The following COL8A1 variants were observed in gnomAD, a reference collection of about 807,000 sequenced individuals.
The protein encoded by COL8A1 is collagen type VIII alpha 1 chain.
In COL8A1, 21 loss-of-function variants were observed where a neutral mutation model predicts 42.7. The ratio of observed to expected loss-of-function variants is 0.49; its 90% confidence interval spans 0.35 to 0.71. COL8A1 has a LOEUF of 0.71. COL8A1 is among the 30% of genes least tolerant of loss of function. The pLI, the probability that COL8A1 is intolerant of heterozygous loss-of-function variation, is 0.01. For missense variants in COL8A1, 788 were observed against 962.4 expected (o/e 0.82, Z 2.40); for synonymous variants, 367 against 369.1 (o/e 0.99, Z 0.06).
chr3:99,751,124 A>G (rs1941139803), intron 2 of COL8A1, among the ~76,000 whole-genome samples: 2 of 152,228 alleles, frequency 1.3e-5, no homozygotes, highest in African/African-American at 4.8e-5. Context: ...ATTTTACTAC[A>G]AAGAAAATTC....
At chr3:99,793,436 T>C (rs1826385) in intron 3 of COL8A1, among the ~76,000 whole-genome samples, 2 of 149,454 alleles carry the variant, frequency 1.3e-5, no homozygotes, top group South Asian at 4.2e-4. Flanking sequence ...TTGTTTAAAA[T>C]ACACACACAC....
chr3:99,794,298 G>A lies in COL8A1; in HGVS notation c.397G>A (p.Gly133Arg), dbSNP rs1320023330. 1 of 1,613,430 alleles carries A rather than the reference G, an allele frequency of 6.2e-7. No individual in the cohort carries two copies. Among genetic ancestry groups the A allele is most frequent in the Non-Finnish European group, 8.5e-7 (1 of 1,179,708 alleles). Residue 133 changes from glycine to arginine, a missense_variant, in exon 4 of 4, where the codon GGG (glycine) becomes AGG (arginine). Physicochemically the swap from Gly to Arg is moderately radical, Grantham distance 125. Around this residue, in one of 4 missense-constraint regions of COL8A1, gnomAD observed 421 missense variants for 553.1 expected, o/e 0.76. Coordinates refer to ENST00000652472, the MANE Select transcript of COL8A1 (RefSeq NM_020351.4). This position sits in a 1 kb window ranked among gnomAD's most constrained non-coding sequence, Gnocchi z 4.3. ...RGEPGPRGPP[G>R]PPGLPGHGIP... ...AGAGCCTGGCCCAAGAGGACCACCT[G>A]GGCCCCCTGGTTTGCCAGGTCATGG...
intron 1 of COL8A1, among the ~76,000 whole-genome samples, chr3:99,684,874 A>T (rs2107326978): frequency 6.6e-6 from 1 of 152,294 alleles, no homozygotes; most frequent in African/African-American, 2.4e-5. Flanking sequence ...TTTGGACTGG[A>T]TTAGCATGAC....
At chr3:99,689,754 A>G (rs76266551) in intron 1 of COL8A1, among the ~76,000 whole-genome samples, 1 of 152,134 alleles carries the variant, frequency 6.6e-6, no homozygotes, top group Non-Finnish European at 1.5e-5. Flanking sequence ...TTTGAAAAAC[A>G]CAGACCTGGA....
intron 2 of COL8A1, among the ~76,000 whole-genome samples, chr3:99,756,123 C>T (rs1360569191): frequency 2.6e-5 from 4 of 151,476 alleles, no homozygotes; most frequent in South Asian, 2.1e-4. Flanking sequence ...GAAGAGATAT[C>T]GAGAATGTCT....
At chr3:99,692,229 C>T (rs1273144890) in intron 1 of COL8A1, among the ~76,000 whole-genome samples, 1 of 152,210 alleles carries the variant, frequency 6.6e-6, no homozygotes, top group Non-Finnish European at 1.5e-5. Context: ...AAGATGCTCA[C>T]AAGCCCAGTT....
intron 1 of COL8A1, among the ~76,000 whole-genome samples, chr3:99,671,338 T>G (rs1038583754): frequency 9.2e-5 from 14 of 152,146 alleles, no homozygotes; most frequent in Admixed American, 6.6e-5. Context: ...GCTCTTGATG[T>G]GTACATCAGT....
intron 1 of COL8A1, among the ~76,000 whole-genome samples, chr3:99,668,817 A>G (rs1442131808): frequency 6.6e-6 from 1 of 152,142 alleles, no homozygotes; most frequent in Non-Finnish European, 1.5e-5. Flanking sequence ...ACAATGATGA[A>G]TAACACAGGG....
chr3:99,709,778 TC>T (rs1939784933), intron 1 of COL8A1, among the ~76,000 whole-genome samples: 1 of 152,198 alleles, frequency 6.6e-6, no homozygotes, highest in Admixed American at 6.6e-5. Context: ...ATTAATTTCT[TC>T]CCAGAAGATG....
Position 99,659,757 on chromosome 3 carries a change from C to T in COL8A1, c.-129+21093C>T, listed in dbSNP as rs1606499. ...GATCATGTCCATAATCTGCCATGCT[C>T]AAAATGAGTCCAGAATAAACACTCG... On this transcript the variant is annotated intron_variant, in intron 1 of 3. Transcript: ENST00000652472. Among the ~76,000 whole-genome samples, 841 of 152,206 alleles carry T rather than the reference C, an allele frequency of 5.5e-3. 11 individuals are homozygous for T. Among genetic ancestry groups the T allele is most frequent in the African/African-American group, 0.019 (797 of 41,534 alleles).
At chr3:99,659,584 A>G (rs1938135949) in intron 1 of COL8A1, among the ~76,000 whole-genome samples, 1 of 152,220 alleles carries the variant, frequency 6.6e-6, no homozygotes. Context: ...AAAGAAAAAT[A>G]AGTAGATATG....
Position 99,675,547 on chromosome 3 carries a change from T to A in COL8A1, c.-129+36883T>A, listed in dbSNP as rs566705771. On this transcript the variant is annotated intron_variant, in intron 1 of 3. Transcript: ENST00000652472. Reference sequence around the variant, plus strand: ...CTAATGAAGCCAAAGATACTCAATTTTGTGACAGAATTACTAAGCTACACT... The same window carrying A: ...CTAATGAAGCCAAAGATACTCAATTATGTGACAGAATTACTAAGCTACACT... The A allele has an allele frequency of 3.3e-5, 5 of 152,590 alleles. No individual in the cohort carries two copies. In the South Asian group the frequency reaches 1.0e-3, roughly 32 times the overall value. The allele number at this position is 152,590 out of a possible 1,614,324, so 9.5% of individuals were successfully genotyped here.
At chr3:99,762,975 C>T (rs762168119) in intron 2 of COL8A1, among the ~76,000 whole-genome samples, 7 of 152,116 alleles carry the variant, frequency 4.6e-5, no homozygotes, top group East Asian at 1.9e-4. Flanking sequence ...TTTAACTGCA[C>T]GCTTTTCATT....
chr3:99,794,938 G>GGTTC lies in COL8A1; in HGVS notation c.1037_1038insGTTC (p.Leu347PhefsTer16). On this transcript the variant is annotated frameshift_variant, in exon 4 of 4. Transcript: ENST00000652472. LOFTEE classifies it high-confidence loss of function. This position sits in a 1 kb window ranked among gnomAD's most constrained non-coding sequence, Gnocchi z 4.3. ...CTGCCAGGGCTACCAGGACCCCCAG[G>GGTTC]CCTTCCAGGGATTGGGAAACCAGGC... is the stretch of plus-strand genomic sequence containing the variant. 6.3e-7 allele frequency: 1 copy of GGTTC among 1,594,538 alleles called. No homozygotes were observed. The highest frequency in any genetic ancestry group is 8.5e-7 in the Non-Finnish European group (1 of 1,171,042).
chr3:99,686,682 T>G (rs1939062769), intron 1 of COL8A1, among the ~76,000 whole-genome samples: 1 of 152,124 alleles, frequency 6.6e-6, no homozygotes, highest in Non-Finnish European at 1.5e-5. Flanking sequence ...ACTGCTCATC[T>G]CTTATTACTT....
rs1345364539 is a variant in COL8A1 at position 99,795,796 on chromosome 3, C to G, written c.1895C>G (p.Pro632Arg). 1 of 1,614,070 alleles carries G rather than the reference C, an allele frequency of 6.2e-7. No individual in the cohort carries two copies. Among genetic ancestry groups the G allele is most frequent in the East Asian group, 2.2e-5 (1 of 44,880 alleles). The change falls in exon 4 of 4, where the codon CCA (proline) becomes CGA (arginine). Residue 632 changes from proline to arginine, a missense_variant. By Grantham distance (103) the Pro-to-Arg change is moderately radical (BLOSUM62 -2). Transcript: ENST00000652472. Reference sequence around the variant, plus strand: ...GCACCTTTCCCACCGGTGGGGGCCCCAGTGAAGTTTAACAAACTGCTGTAT... The same window carrying G: ...GCACCTTTCCCACCGGTGGGGGCCCGAGTGAAGTTTAACAAACTGCTGTAT... ...LTAPFPPVGA[P>R]VKFNKLLYNG... is the part of the protein sequence containing the mutation.
chr3:99,794,167 C>T lies in COL8A1; in HGVS notation c.329-63C>T. The T allele has an allele frequency of 9.8e-7, 1 of 1,022,188 alleles. No individual in the cohort carries two copies. Among genetic ancestry groups the T allele is most frequent in the Non-Finnish European group, 1.4e-6 (1 of 698,850 alleles). 63.3% of individuals were successfully genotyped at this position (1,022,188 alleles called of 1,614,324 possible). A position where few individuals can be genotyped will look rare whatever the true frequency, so the allele number is the denominator to read the frequency against. On this transcript the variant is annotated intron_variant, in intron 3 of 3. Transcript: ENST00000652472. The surrounding 1 kb of genome is among the most constrained non-coding windows in gnomAD (Gnocchi z 4.3). Reference sequence around the variant, plus strand: ...GTCAGTACTTCATTGATGTGAGAGACAATCTACTAATCAATCTCTCTCTCT... The same window carrying T: ...GTCAGTACTTCATTGATGTGAGAGATAATCTACTAATCAATCTCTCTCTCT...
intron 1 of COL8A1, among the ~76,000 whole-genome samples, chr3:99,665,313 C>T (rs369140464): frequency 1.8e-4 from 27 of 152,368 alleles, no homozygotes; most frequent in African/African-American, 6.5e-4. Flanking sequence ...GCTGACTTCT[C>T]TACAGGCAGA....
At chr3:99,677,204 A>G (rs990114152) in intron 1 of COL8A1, among the ~76,000 whole-genome samples, 2 of 152,110 alleles carry the variant, frequency 1.3e-5, no homozygotes, top group Non-Finnish European at 2.9e-5. Flanking sequence ...TTAAAGAATG[A>G]ACATCAAGAA....
Sources: gnomAD v4.1 joint callset for allele counts (sites outside exome capture counted in the v4.1 genomes callset) on GRCh38, gnomAD v4.1.1 for gene constraint, gnomAD v4.1.1 regional missense constraint, Gnocchi (gnomAD v3.1) non-coding constraint, MANE v1.5 for transcripts, NCBI Gene and HGNC (gene_info 2026-07-23, HGNC 2026-07-21) for gene names.